Variants in ST18 observed in about 807,000 individuals in gnomAD.
ST18 encodes ST18 C2H2C-type zinc finger transcription factor, also known as suppression of tumorigenicity 18 protein.
In ST18, 50 loss-of-function variants were observed where a neutral mutation model predicts 110.0. That is an observed-to-expected ratio of 0.45 (90% CI 0.36 to 0.58). ST18 has a LOEUF of 0.58. Ranked by LOEUF, ST18 falls within the 20% of genes least tolerant of loss-of-function variation. The pLI is 0.00. For synonymous variants in ST18, 461 were observed against 452.4 expected (o/e 1.02, Z -0.24); for missense variants, 1,306 against 1,280.1 (o/e 1.02, Z -0.31).
intron 13 of ST18, among the ~76,000 whole-genome samples, chr8:52,163,350 C>T (rs2061944513): frequency 6.6e-6 from 1 of 152,164 alleles, no homozygotes; most frequent in South Asian, 2.1e-4. Context: ...ATCCTGAAAT[C>T]ATTTTCCCTA....
intron 8 of ST18, among the ~76,000 whole-genome samples, chr8:52,187,577 G>T (rs184054303): frequency 6.6e-6 from 1 of 152,278 alleles, no homozygotes; most frequent in East Asian, 1.9e-4. Context: ...ATTTGGTTTA[G>T]AATTACAGTC....
chr8:52,228,664 A>C (rs1458188879), intron 3 of ST18, among the ~76,000 whole-genome samples: 1 of 152,128 alleles, frequency 6.6e-6, no homozygotes, highest in Non-Finnish European at 1.5e-5. Flanking sequence ...TAGTCATCTT[A>C]CCATGCCTGT....
chr8:52,271,911 C>T (rs899378870), intron 2 of ST18, among the ~76,000 whole-genome samples: 1 of 152,202 alleles, frequency 6.6e-6, no homozygotes, highest in Non-Finnish European at 1.5e-5. Flanking sequence ...ATTTCGCCAT[C>T]AAATCGAAGA....
intron 2 of ST18, among the ~76,000 whole-genome samples, chr8:52,236,469 G>A (rs1657944017): frequency 6.6e-6 from 1 of 152,064 alleles, no homozygotes; most frequent in Non-Finnish European, 1.5e-5. Flanking sequence ...AATTAGCTGG[G>A]CATGGTGGCG....
chr8:52,273,434 G>A (rs908494184), intron 2 of ST18, among the ~76,000 whole-genome samples: 1 of 152,130 alleles, frequency 6.6e-6, no homozygotes, highest in Non-Finnish European at 1.5e-5. Context: ...AGAGCCCCCA[G>A]ACCCCCAAAT....
chr8:52,245,960 T>C (rs1478596218), intron 2 of ST18, among the ~76,000 whole-genome samples: 3 of 152,160 alleles, frequency 2.0e-5, no homozygotes, highest in Non-Finnish European at 2.9e-5. Context: ...ACAAAATTCT[T>C]TCAAGTTACA....
intron 2 of ST18, among the ~76,000 whole-genome samples, chr8:52,233,712 T>C (rs377588932): frequency 1.3e-5 from 2 of 152,238 alleles, no homozygotes; most frequent in African/African-American, 2.4e-5. Flanking sequence ...ATTATTTTCA[T>C]TGGCTTTCAC....
intron 2 of ST18, among the ~76,000 whole-genome samples, chr8:52,303,845 C>T (rs1221667642): frequency 6.6e-6 from 1 of 152,116 alleles, no homozygotes; most frequent in African/African-American, 2.4e-5. Flanking sequence ...TGGATTGAAT[C>T]GTTTTCTTGT....
chr8:52,285,750 A>G (rs558531112), intron 2 of ST18, among the ~76,000 whole-genome samples: 21 of 152,158 alleles, frequency 1.4e-4, no homozygotes, highest in Non-Finnish European at 2.8e-4. Flanking sequence ...AATATATCCA[A>G]TTTCTGCGAC....
chr8:52,181,185 A>C lies in ST18; in HGVS notation c.87-873T>G, dbSNP rs571890339. 2.0e-5 allele frequency among the ~76,000 whole-genome samples: 3 copies of C among 152,336 alleles called. No individual in the cohort carries two copies. The East Asian group carries it at 5.8e-4, about 29-fold the overall frequency. ...GCGAGTCTATAAGAGATATTTATTA[A>C]ATGTACTTTGAAGAAAAATGTGGAG... On this transcript the variant is annotated intron_variant, in intron 8 of 25. Coordinates refer to ENST00000689386, the MANE Select transcript of ST18 (RefSeq NM_001352837.2).
At chr8:52,145,169 C>T (rs992653949) in intron 16 of ST18, among the ~76,000 whole-genome samples, 6 of 151,680 alleles carry the variant, frequency 4.0e-5, no homozygotes, top group African/African-American at 1.2e-4. Context: ...CAGATTACCA[C>T]AAGTTTCTAG....
At chr8:52,295,343 T>G (rs2095615664) in intron 2 of ST18, among the ~76,000 whole-genome samples, 1 of 152,186 alleles carries the variant, frequency 6.6e-6, no homozygotes, top group Non-Finnish European at 1.5e-5. Flanking sequence ...TTAAATTAAG[T>G]TCTTCCTCTA....
chr8:52,336,224 C>T (rs1811995111), intron 2 of ST18, among the ~76,000 whole-genome samples: 1 of 152,182 alleles, frequency 6.6e-6, no homozygotes, highest in South Asian at 2.1e-4. Context: ...TCTCGGCTCA[C>T]TGCAACCTCT....
chr8:52,344,879 A>C (rs1816980622), intron 2 of ST18, among the ~76,000 whole-genome samples: 1 of 152,194 alleles, frequency 6.6e-6, no homozygotes, highest in Admixed American at 6.5e-5. Flanking sequence ...CATGTTTAGC[A>C]CTTTATTTTA....
chr8:52,405,488 G>A (rs901171414), intron 2 of ST18: 1 of 152,168 alleles, frequency 6.6e-6, no homozygotes, highest in African/African-American at 2.4e-5. Context: ...GTTCTCTTTT[G>A]AGGATTAAAA....
At position 52,239,080 on chromosome 8, in the gene ST18, C is replaced by T. The variant is rs147172903; in HGVS notation, c.-464-9003G>A. ...TTGAAAATATGCTAAGTGAAAGAAGCCAGGCAAAAAAGATCACATATTATG... is the reference window on the plus strand; with the variant it reads ...TTGAAAATATGCTAAGTGAAAGAAGTCAGGCAAAAAAGATCACATATTATG... On this transcript the variant is annotated intron_variant, in intron 2 of 25. Coordinates refer to ENST00000689386, the MANE Select transcript of ST18 (RefSeq NM_001352837.2). Among the ~76,000 whole-genome samples the T allele has an allele frequency of 5.5e-3, 832 of 151,858 alleles. 9 individuals are homozygous for T. The highest frequency in any genetic ancestry group is 0.019 in the African/African-American group (799 of 41,400).
chr8:52,238,334 G>GA, intron 2 of ST18, among the ~76,000 whole-genome samples: 1 of 150,872 alleles, frequency 6.6e-6, no homozygotes, highest in East Asian at 1.9e-4. Flanking sequence ...CCAATCAAAG[G>GA]AAAAAAAAGG....
chr8:52,127,752 A>G (rs1469182051), intron 22 of ST18, among the ~76,000 whole-genome samples: 1 of 151,708 alleles, frequency 6.6e-6, no homozygotes, highest in Non-Finnish European at 1.5e-5. Context: ...ATGCCACTTG[A>G]TTTTGTGTCT....
intron 2 of ST18, among the ~76,000 whole-genome samples, chr8:52,236,244 G>A (rs1444130024): frequency 6.6e-6 from 1 of 152,148 alleles, no homozygotes; most frequent in African/African-American, 2.4e-5. Flanking sequence ...ACAATCTAAG[G>A]AAGTTCACAT....
Sources: gnomAD v4.1 joint callset for allele counts (sites outside exome capture counted in the v4.1 genomes callset) on GRCh38, gnomAD v4.1.1 for gene constraint, MANE v1.5 for transcripts, NCBI Gene and HGNC (gene_info 2026-07-23, HGNC 2026-07-21) for gene names.